Variants in RTN4IP1 observed in about 807,000 individuals in gnomAD.
RTN4IP1 encodes NAD(P)H oxidoreductase RTN4IP1, mitochondrial.
Under a neutral mutation model 46.6 loss-of-function variants are expected in RTN4IP1, and 32 were observed. The ratio of observed to expected loss-of-function variants is 0.69; its 90% confidence interval spans 0.52 to 0.92. The LOEUF is 0.92. Ranked by LOEUF, RTN4IP1 falls within the 40% of genes least tolerant of loss-of-function variation. RTN4IP1 has a pLI of 0.00. For missense variants in RTN4IP1, 424 were observed against 485.8 expected (o/e 0.87, Z 1.20); for synonymous variants, 167 against 161.8 (o/e 1.03, Z -0.24).
At chr6:106,629,878 C>A (rs1422507157), upstream of RTN4IP1, among the ~76,000 whole-genome samples, 2 of 152,182 alleles carry the variant, frequency 1.3e-5, no homozygotes. Flanking sequence ...CGTACCCATT[C>A]AGGAGTTAGG....
intron 8 of RTN4IP1, among the ~76,000 whole-genome samples, chr6:106,573,630 T>C (rs540235645): frequency 6.6e-6 from 1 of 152,332 alleles, no homozygotes; most frequent in African/African-American, 2.4e-5. Flanking sequence ...GTTATTCCCA[T>C]TTTACAGATG....
At chr6:106,578,154 A>C (rs1252047171) in intron 8 of RTN4IP1, among the ~76,000 whole-genome samples, 1 of 152,226 alleles carries the variant, frequency 6.6e-6, no homozygotes, top group Non-Finnish European at 1.5e-5. Context: ...GAAATACAAG[A>C]TGACAGAGTA....
intron 4 of RTN4IP1, among the ~76,000 whole-genome samples, chr6:106,614,121 CT>C (rs1184680077): frequency 3.9e-5 from 6 of 152,210 alleles, no homozygotes; most frequent in Admixed American, 3.3e-4. Flanking sequence ...CCAAAATAAA[CT>C]TTCTAAATTG....
Position 106,587,740 on chromosome 6 carries a change from C to T in RTN4IP1, c.929G>A (p.Arg310Gln), listed in dbSNP as rs1263210619. 10 of 1,613,766 alleles carry T rather than the reference C, an allele frequency of 6.2e-6. No individual in the cohort carries two copies. Among genetic ancestry groups the T allele is most frequent in the Non-Finnish European group, 8.5e-6 (10 of 1,179,994 alleles). ...CAACATGCCATCTGCTATGCCCAAT[C>T]GGTCCATGTTCAGGAGGAAAGGAGT... is the stretch of plus-strand genomic sequence containing the variant. ...LVTPFLLNMD[R>Q]LGIADGMLQT... Residue 310 changes from arginine (R) to glutamine (Q), a missense_variant, in exon 7 of 9, where the codon CGA (arginine) becomes CAA (glutamine). Arg to Gln is a conservative substitution (Grantham distance 43, BLOSUM62 1). Transcript: ENST00000369063.
intron 7 of RTN4IP1, among the ~76,000 whole-genome samples, chr6:106,584,110 T>C (rs187589390): frequency 2.0e-5 from 3 of 152,324 alleles, no homozygotes; most frequent in Admixed American, 1.3e-4. Flanking sequence ...TGTTATTCTT[T>C]GTTTATTTAA....
At chr6:106,583,272 CAGG>C (rs931137967) in intron 8 of RTN4IP1, 53 bp downstream of exon 8, 1 of 1,413,590 alleles carries the variant, frequency 7.1e-7, no homozygotes, top group Non-Finnish European at 1.0e-6. Context: ...GGCAGGTCTA[CAGG>C]AGGTGCTGTA....
intron 4 of RTN4IP1, among the ~76,000 whole-genome samples, chr6:106,611,630 A>G (rs908125419): frequency 1.3e-5 from 2 of 152,250 alleles, no homozygotes; most frequent in East Asian, 3.8e-4. Flanking sequence ...AAAGTGTCTT[A>G]GCATAATACG....
chr6:106,578,436 G>A (rs1354061794), intron 8 of RTN4IP1, among the ~76,000 whole-genome samples: 2 of 152,130 alleles, frequency 1.3e-5, no homozygotes, highest in Admixed American at 6.5e-5. Context: ...TGGCATATGC[G>A]TGACCTGAAT....
intron 2 of RTN4IP1, 107 bp from the exon 3 acceptor site, chr6:106,621,600 A>G: frequency 1.2e-6 from 1 of 827,938 alleles, no homozygotes; most frequent in Non-Finnish European, 2.1e-6. Flanking sequence ...TGAAAAACAC[A>G]GAAGTCAGCA....
upstream of RTN4IP1, chr6:106,629,698 T>C: frequency 1.2e-6 from 2 of 1,606,360 alleles, no homozygotes; most frequent in East Asian, 4.5e-5. Flanking sequence ...GGCCGGAGCC[T>C]CCGAGAAGTG....
At chr6:106,594,318 G>A (rs773321664) in intron 5 of RTN4IP1, among the ~76,000 whole-genome samples, 6 of 152,122 alleles carry the variant, frequency 3.9e-5, no homozygotes, top group Non-Finnish European at 5.9e-5. Flanking sequence ...GACCTGCCTA[G>A]GCAACGTAGT....
intron 8 of RTN4IP1, among the ~76,000 whole-genome samples, chr6:106,575,292 C>T (rs981747381): frequency 1.3e-5 from 2 of 152,230 alleles, no homozygotes; most frequent in Non-Finnish European, 2.9e-5. Flanking sequence ...GCCAGGGACG[C>T]TCACAGCAGC....
At chr6:106,612,686 C>T (rs1355729803) in intron 4 of RTN4IP1, among the ~76,000 whole-genome samples, 1 of 152,234 alleles carries the variant, frequency 6.6e-6, no homozygotes, top group African/African-American at 2.4e-5. Context: ...TTCCAATCAC[C>T]TGCTCTACCC....
At chr6:106,605,958 A>G (rs763236019) in intron 4 of RTN4IP1, among the ~76,000 whole-genome samples, 1 of 152,188 alleles carries the variant, frequency 6.6e-6, no homozygotes, top group Non-Finnish European at 1.5e-5. Context: ...TACTAGCCAG[A>G]GCAATTAAGC....
intron 8 of RTN4IP1, among the ~76,000 whole-genome samples, chr6:106,575,687 AGAGTT>A (rs376128187): frequency 3.4e-4 from 52 of 152,320 alleles, no homozygotes; most frequent in African/African-American, 1.1e-3. Context: ...ACAAAACAGT[AGAGTT>A]AACATATCCG....
At chr6:106,610,540 T>C (rs561015430) in intron 4 of RTN4IP1, among the ~76,000 whole-genome samples, 8 of 152,326 alleles carry the variant, frequency 5.3e-5, no homozygotes, top group Admixed American at 3.9e-4. Context: ...TGGGAATACT[T>C]TTTACCTAGC....
intron 4 of RTN4IP1, among the ~76,000 whole-genome samples, chr6:106,603,285 T>C (rs2114656302): frequency 6.6e-6 from 1 of 152,356 alleles, no homozygotes; most frequent in East Asian, 1.9e-4. Context: ...CCTTTTTAAT[T>C]TGTTATGCTT....
intron 6 of RTN4IP1, among the ~76,000 whole-genome samples, chr6:106,589,377 T>C (rs1326736014): frequency 6.6e-6 from 1 of 150,994 alleles, no homozygotes; most frequent in African/African-American, 2.4e-5. Context: ...TCTAAGGATA[T>C]GAAATGCAGG....
chr6:106,628,453 G>A (rs977154896), intron 1 of RTN4IP1, among the ~76,000 whole-genome samples: 5 of 151,660 alleles, frequency 3.3e-5, no homozygotes, highest in African/African-American at 1.2e-4. Context: ...GGGTGACAGA[G>A]TGAGACTCAG....
Sources: gnomAD v4.1 joint callset for allele counts (sites outside exome capture counted in the v4.1 genomes callset) on GRCh38, gnomAD v4.1.1 for gene constraint, MANE v1.5 for transcripts, NCBI Gene and HGNC (gene_info 2026-07-23, HGNC 2026-07-21) for gene names.